PRDM9: variants seen among roughly 807,000 people sequenced by gnomAD.
PRDM9 encodes histone-lysine N-methyltransferase PRDM9.
A neutral mutation model predicts 55.6 loss-of-function variants in PRDM9; 47 were observed. That is an observed-to-expected ratio of 0.85 (90% CI 0.67 to 1.08). PRDM9 has a LOEUF of 1.08. Ranked by LOEUF, PRDM9 falls within the 50% of genes least tolerant of loss-of-function variation. The pLI is 0.00. For missense variants in PRDM9, 867 were observed against 1,040.3 expected, an observed-to-expected ratio of 0.83 and a Z score of 2.29; for synonymous variants, 312 against 375.7, an observed-to-expected ratio of 0.83 and a Z score of 1.96.
rs1283024424 is a variant in PRDM9 at position 23,508,516 on chromosome 5, G to A, written c.-84-434G>A. 4.6e-5 allele frequency among the ~76,000 whole-genome samples: 7 copies of A among 152,116 alleles called. No homozygotes were observed. In the East Asian group the frequency reaches 7.7e-4, roughly 17 times the overall value. On this transcript the variant is annotated intron_variant, in intron 1 of 10. Transcript: ENST00000296682. ...GATTTTTCTAGAATCCTCAGGTAGA[G>A]GTCCCCAAATCCTGTCTATGCGAAA...
intron 4 of PRDM9, among the ~76,000 whole-genome samples, chr5:23,513,831 A>T (rs1241296350): frequency 6.6e-6 from 1 of 151,640 alleles, no homozygotes; most frequent in South Asian, 2.1e-4. Context: ...GTGAGCCGAG[A>T]TCACACCACT....
chr5:23,515,172 C>T (rs1739183244), intron 4 of PRDM9, among the ~76,000 whole-genome samples: 1 of 151,900 alleles, frequency 6.6e-6, no homozygotes, highest in African/African-American at 2.4e-5. Flanking sequence ...ACCATGTTGG[C>T]CAGGCTGGTC....
In PRDM9 at chr5:23,527,793, C is replaced by G. The variant is rs1270942636; in HGVS notation, c.*20C>G. Reference sequence around the variant, plus strand: ...GAGTAAGTCATTAGTAATAAAACCTCATCTCAATAGCCACAAAAAGACAAA... The same window carrying G: ...GAGTAAGTCATTAGTAATAAAACCTGATCTCAATAGCCACAAAAAGACAAA... On this transcript the variant is annotated 3_prime_UTR_variant, in exon 11 of 11. Coordinates refer to ENST00000296682, the MANE Select transcript of PRDM9 (RefSeq NM_020227.4). The G allele has an allele frequency of 6.2e-7, 1 of 1,614,016 alleles. No individual in the cohort carries two copies. The highest frequency in any genetic ancestry group is 8.5e-7 in the Non-Finnish European group (1 of 1,179,926).
chr5:23,514,316 G>A (rs1739157651), intron 4 of PRDM9, among the ~76,000 whole-genome samples: 1 of 152,162 alleles, frequency 6.6e-6, no homozygotes. Flanking sequence ...AGCATGGTTG[G>A]GTTCTGGTGA....
Position 23,527,641 on chromosome 5 carries a change from G to A in PRDM9, c.2553G>A (p.Gln851=), listed in dbSNP as rs1739499260. The A allele has an allele frequency of 6.6e-7, 1 of 1,518,724 alleles. No homozygotes were observed. Among genetic ancestry groups the A allele is most frequent in the Non-Finnish European group, 8.9e-7 (1 of 1,124,932 alleles). The allele number at this position is 1,518,724 out of a possible 1,614,324, so 94.1% of individuals were successfully genotyped here. A position where few individuals can be genotyped will look rare whatever the true frequency, so the allele number is the denominator to read the frequency against. Residue 851 remains glutamine (Q), a synonymous_variant, in exon 11 of 11, where the codon CAG becomes CAA. Transcript: ENST00000296682. Reference sequence around the variant, plus strand: ...ATAAGTCACACCTCCTCAGACACCAGAGGACACACACAGGGGAGAAGCCCT... The same window carrying A: ...ATAAGTCACACCTCCTCAGACACCAAAGGACACACACAGGGGAGAAGCCCT... ...FRNKSHLLRH[Q]RTHTGEKPYV...
At chr5:23,509,279 C>T (rs1739041420) in intron 2 of PRDM9, among the ~76,000 whole-genome samples, 177 bp downstream of exon 2, 1 of 152,142 alleles carries the variant, frequency 6.6e-6, no homozygotes, top group Non-Finnish European at 1.5e-5. Context: ...TGCTCTGTGT[C>T]AGCAGAGAGC....
At position 23,508,413 on chromosome 5, in the gene PRDM9, A is replaced by G. The variant is rs1739025471; in HGVS notation, c.-84-537A>G. ...ATTTCTTCAGTCTAAGACATCTCAA[A>G]TCCCCTCAGCCTGAGGGACCCCAAA... On this transcript the variant is annotated intron_variant, in intron 1 of 10. Coordinates refer to ENST00000296682, the MANE Select transcript of PRDM9 (RefSeq NM_020227.4). Among the ~76,000 whole-genome samples the G allele has an allele frequency of 2.0e-5, 3 of 152,186 alleles. No individual in the cohort carries two copies. In the South Asian group the frequency reaches 6.2e-4, roughly 32 times the overall value.
intron 4 of PRDM9, among the ~76,000 whole-genome samples, chr5:23,511,349 T>G (rs1739094085): frequency 6.6e-6 from 1 of 152,146 alleles, no homozygotes; most frequent in Non-Finnish European, 1.5e-5. Context: ...TGTTTTTGTT[T>G]TTGTTTTTGT....
rs201296788 is a variant in PRDM9 at position 23,509,088 on chromosome 5, G to T, written c.55G>T (p.Glu19Ter). The T allele has an allele frequency of 1.2e-6, 2 of 1,614,140 alleles. No homozygotes were observed. The highest frequency in any genetic ancestry group is 2.7e-5 in the African/African-American group (2 of 75,056). Residue 19 changes from glutamate to a stop codon, truncating the protein, a stop_gained, in exon 2 of 11, where the codon GAG (glutamate) becomes TAG (stop). Coordinates refer to ENST00000296682, the MANE Select transcript of PRDM9 (RefSeq NM_020227.4). LOFTEE classifies it high-confidence loss of function. ...CCCAGAAGAAGACACAGAGAGAACA[G>T]AGCGGAAGCCCATGGTGAGAAGTGG... ...ESPEEDTERTERKPMVKDAFK... is the reference protein window; with the variant it reads ...ESPEEDTERT
At position 23,527,882 on chromosome 5, in the gene PRDM9, C is replaced by G; in HGVS notation, c.*109C>G. 7.5e-7 allele frequency: 1 copy of G among 1,341,456 alleles called. No homozygotes were observed. The highest frequency in any genetic ancestry group is 1.2e-5 in the South Asian group (1 of 82,010). The allele number at this position is 1,341,456 out of a possible 1,614,324, so 83.1% of individuals were successfully genotyped here. On this transcript the variant is annotated 3_prime_UTR_variant, in exon 11 of 11. Transcript: ENST00000296682. Reference sequence around the variant, plus strand: ...GGCTTCAGCGGAAGTCTGCTGACCCCTTATATTCCCCGAGAGTATAAAGAG... The same window carrying G: ...GGCTTCAGCGGAAGTCTGCTGACCCGTTATATTCCCCGAGAGTATAAAGAG...
In PRDM9 at chr5:23,522,707, C is replaced by T. The variant is rs1739356100; in HGVS notation, c.704C>T (p.Pro235Leu). 6.2e-7 allele frequency: 1 copy of T among 1,614,172 alleles called. No individual in the cohort carries two copies. Among genetic ancestry groups the T allele is most frequent in the Non-Finnish European group, 8.5e-7 (1 of 1,180,040 alleles). ...VKDSAVDKGH[P>L]NRSALSLPPG... Reference sequence around the variant, plus strand: ...GACAGTGCAGTGGACAAGGGGCACCCCAACCGTTCAGCCCTCAGTCTGCCC... The same window carrying T: ...GACAGTGCAGTGGACAAGGGGCACCTCAACCGTTCAGCCCTCAGTCTGCCC... Residue 235 changes from proline to leucine, a missense_variant, in exon 8 of 11, where the codon CCC becomes CTC. Pro to Leu is a moderately conservative substitution (Grantham distance 98). Around this residue, in one of 5 missense-constraint regions of PRDM9, gnomAD observed 662 missense variants for 711.9 expected, o/e 0.93. Transcript: ENST00000296682.
chr5:23,516,251 T>A (rs115349842), intron 4 of PRDM9, among the ~76,000 whole-genome samples: 70 of 152,348 alleles, frequency 4.6e-4, no homozygotes, highest in African/African-American at 1.6e-3. Context: ...TTTGTAATTA[T>A]TCTATTCTTT....
intron 8 of PRDM9, among the ~76,000 whole-genome samples, 197 bp from the exon 9 acceptor site, chr5:23,523,094 C>T (rs968819602): frequency 6.6e-6 from 1 of 152,178 alleles, no homozygotes; most frequent in Non-Finnish European, 1.5e-5. Flanking sequence ...GAAGTGCATC[C>T]TCCCTGTGGA....
At chr5:23,520,364 CAAAA>C (rs59333354) in intron 5 of PRDM9, among the ~76,000 whole-genome samples, 1 of 44,570 alleles carries the variant, frequency 2.2e-5, no homozygotes. Context: ...GACTCCTTCT[CAAAA>C]AAAAAAAAAA....
At chr5:23,522,146 T>A (rs1403528893) in intron 6 of PRDM9, among the ~76,000 whole-genome samples, 158 bp from the exon 7 acceptor site, 1 of 152,124 alleles carries the variant, frequency 6.6e-6, no homozygotes, top group African/African-American at 2.4e-5. Flanking sequence ...AGTGTGGGTG[T>A]GGGGTCTAAG....
chr5:23,509,352 T>C, intron 2 of PRDM9, 118 bp from the exon 3 acceptor site: 2 of 1,549,862 alleles, frequency 1.3e-6, no homozygotes, highest in Non-Finnish European at 1.8e-6. Flanking sequence ...AGGGAAGATC[T>C]TTATGTTTCA....
At position 23,524,491 on chromosome 5, in the gene PRDM9, G is replaced by T. The variant is rs527518989; in HGVS notation, c.1108G>T (p.Gly370Cys). The change falls in exon 10 of 11, where the codon GGC becomes TGC. Residue 370 changes from glycine (G) to cysteine (C), a missense_variant. Around this residue, in one of 5 missense-constraint regions of PRDM9, gnomAD observed 662 missense variants for 711.9 expected, o/e 0.93. Coordinates refer to ENST00000296682, the MANE Select transcript of PRDM9 (RefSeq NM_020227.4). ...CGGCCAGGAACTGGGCATCAAGTGG[G>T]GCAGCAAGTGGAAGAAAGAGCTCAT... ...EYGQELGIKW[G>C]SKWKKELMAG... is the part of the protein sequence containing the mutation. 2.5e-6 allele frequency: 4 copies of T among 1,613,884 alleles called. No homozygotes were observed. The highest frequency in any genetic ancestry group is 3.3e-5 in the Admixed American group (2 of 60,004).
rs1360521093 is a variant in PRDM9, at chr5:23,517,887, C to T, written c.308C>T (p.Pro103Leu). The change falls in exon 5 of 11, where the codon CCT becomes CTT. Residue 103 changes from proline (P) to leucine (L), a missense_variant. This residue lies in a region of PRDM9 where 662 missense variants were observed against 711.9 expected (regional missense o/e 0.93). Transcript: ENST00000296682. ...EEWTPRQQVK[P>L]PWMALRVEQR... is the part of the protein sequence containing the mutation. ...ATTTCTCATCACCTTTTAGTCAAAC[C>T]TCCTTGGATGGCCTTAAGAGTGGAA... 2 of 1,598,792 alleles carry T rather than the reference C, an allele frequency of 1.3e-6. No homozygotes were observed. The highest frequency in any genetic ancestry group is 1.6e-4 in the Middle Eastern group (1 of 6,064).
At chr5:23,524,607 T>C in intron 10 of PRDM9, 80 bp downstream of exon 10, 1 of 1,589,300 alleles carries the variant, frequency 6.3e-7, no homozygotes. Flanking sequence ...AACTCTTAAG[T>C]ACAGTAAAAT....
Sources: allele counts gnomAD v4.1 joint callset (sites outside exome capture counted in the v4.1 genomes callset), GRCh38; gene constraint gnomAD v4.1.1; regional missense constraint gnomAD v4.1.1; transcripts MANE v1.5; gene names NCBI Gene and HGNC (gene_info 2026-07-23, HGNC 2026-07-21).